The following SH3GLB1 variants were observed in gnomAD, a reference collection of about 807,000 sequenced individuals.
The protein encoded by SH3GLB1 is SH3 domain containing GRB2 like, endophilin B1, also known as endophilin-B1.
Under a neutral mutation model 42.0 loss-of-function variants are expected in SH3GLB1, and 17 were observed. The ratio of observed to expected loss-of-function variants is 0.40; its 90% CI spans 0.28 to 0.61. The LOEUF (loss-of-function observed/expected upper bound fraction) is 0.61. Ranked by LOEUF, SH3GLB1 falls within the 20% of genes least tolerant of loss-of-function variation. SH3GLB1 has a pLI of 0.36. For missense variants in SH3GLB1, 355 were observed against 426.3 expected (o/e 0.83, Z 1.47); for synonymous variants, 132 against 146.6 (o/e 0.90, Z 0.72).
intron 5 of SH3GLB1, among the ~76,000 whole-genome samples, chr1:86,724,886 A>ATATATATATATATATATAT (rs1409906302): frequency 9.8e-6 from 1 of 102,408 alleles, no homozygotes; most frequent in African/African-American, 4.9e-5. Flanking sequence ...AAAAAAAAAA[A>ATATATATATATATATATAT]AAAAAAATAT....
intron 7 of SH3GLB1, 90 bp downstream of exon 7, chr1:86,735,269 G>T: frequency 3.9e-6 from 3 of 761,876 alleles, no homozygotes; most frequent in South Asian, 3.4e-5. Flanking sequence ...GCAATTAAAG[G>T]TTCTTACTAG....
In SH3GLB1 at chr1:86,744,983, A is replaced by C. The variant is rs1324659541; in HGVS notation, c.*1748A>C. ...GAAATTTTCTCTCCCCTCAGAAAGG[A>C]AGTTCTACAGCCTAGAGTACCATCT... On this transcript the variant is annotated 3_prime_UTR_variant, in exon 9 of 9. Coordinates refer to ENST00000370558, the MANE Select transcript of SH3GLB1 (RefSeq NM_016009.5). 1 of 152,226 alleles carries C rather than the reference A, an allele frequency of 6.6e-6. No individual in the cohort carries two copies. 9.4% of individuals were successfully genotyped at this position (152,226 alleles called of 1,614,324 possible). A position where few individuals can be genotyped will look rare whatever the true frequency, so the allele number is the denominator to read the frequency against.
intron 3 of SH3GLB1, among the ~76,000 whole-genome samples, chr1:86,719,995 CA>C (rs570115346): frequency 1.7e-3 from 105 of 62,422 alleles, no homozygotes; most frequent in East Asian, 5.9e-3. Context: ...GACTCTGTCT[CA>C]AAAAAAAAAA....
intron 7 of SH3GLB1, 92 bp downstream of exon 7, chr1:86,735,271 T>A: frequency 2.7e-6 from 2 of 748,818 alleles, no homozygotes. Context: ...AATTAAAGGT[T>A]CTTACTAGCT....
At chr1:86,716,429 C>G (rs957562947) in intron 2 of SH3GLB1, among the ~76,000 whole-genome samples, 10 of 152,066 alleles carry the variant, frequency 6.6e-5, no homozygotes, top group Admixed American at 2.0e-4. Flanking sequence ...CATGTGCCAC[C>G]ACGCCCAGCT....
In SH3GLB1 at chr1:86,704,844, G is replaced by A. The variant is rs1653726431; in HGVS notation, c.-56G>A. The A allele has an allele frequency of 2.3e-6, 3 of 1,285,764 alleles. No individual in the cohort carries two copies. The highest frequency in any genetic ancestry group is 2.6e-5 in the South Asian group (2 of 75,702). The allele number at this position is 1,285,764 out of a possible 1,614,324, so 79.6% of individuals were successfully genotyped here. A position where few individuals can be genotyped will look rare whatever the true frequency, so the allele number is the denominator to read the frequency against. On this transcript the variant is annotated 5_prime_UTR_variant, in exon 1 of 9. Transcript: ENST00000370558. ...TAGCCCTGCGCCCCAGCCCGGCCGCGGCACCTCCGCCTCGCCGCCGCTAGG... is the reference window on the plus strand; with the variant it reads ...TAGCCCTGCGCCCCAGCCCGGCCGCAGCACCTCCGCCTCGCCGCCGCTAGG...
intron 1 of SH3GLB1, among the ~76,000 whole-genome samples, chr1:86,713,746 C>G (rs1028564968): frequency 1.3e-5 from 2 of 152,158 alleles, no homozygotes; most frequent in Non-Finnish European, 2.9e-5. Context: ...TCTTCCTCTC[C>G]CTGAAGAATG....
At chr1:86,725,505 A>G (rs1230086479) in intron 5 of SH3GLB1, among the ~76,000 whole-genome samples, 8 of 152,198 alleles carry the variant, frequency 5.3e-5, no homozygotes, top group Admixed American at 6.5e-5. Context: ...TTGAATTGGA[A>G]TAACTTTAAA....
At chr1:86,730,148 A>G (rs754865007) in intron 5 of SH3GLB1, 2 of 1,571,028 alleles carry the variant, frequency 1.3e-6, no homozygotes, top group Non-Finnish European at 1.7e-6. Flanking sequence ...ATGAAACAAG[A>G]ATTTAGTTGA....
At position 86,704,724 on chromosome 1, in the gene SH3GLB1, GC is replaced by G; in HGVS notation, c.-172del. On this transcript the variant is annotated 5_prime_UTR_variant, in exon 1 of 9. Coordinates refer to ENST00000370558, the MANE Select transcript of SH3GLB1 (RefSeq NM_016009.5). ...CGCCGCGCGCTTGTTCTCCTCCCTC[GC>G]CCCGCCTTCATCCTCCCCGTTCACG... is the stretch of plus-strand genomic sequence containing the variant. 1 of 471,482 alleles carries G rather than the reference GC, an allele frequency of 2.1e-6. No homozygotes were observed. The highest frequency in any genetic ancestry group is 3.8e-6 in the Non-Finnish European group (1 of 266,634). 29.2% of individuals were successfully genotyped at this position (471,482 alleles called of 1,614,324 possible).
At chr1:86,735,590 A>G (rs1036038092) in intron 7 of SH3GLB1, among the ~76,000 whole-genome samples, 1 of 152,232 alleles carries the variant, frequency 6.6e-6, no homozygotes, top group South Asian at 2.1e-4. Flanking sequence ...GTAAGACCTC[A>G]TATCTACCGA....
chr1:86,738,253 TTTG>T (rs1312139918), intron 7 of SH3GLB1, among the ~76,000 whole-genome samples: 1 of 103,008 alleles, frequency 9.7e-6, no homozygotes, highest in African/African-American at 6.2e-5. Context: ...TTTTTGTTTG[TTTG>T]TTTTGTTTTG....
intron 7 of SH3GLB1, among the ~76,000 whole-genome samples, chr1:86,740,993 TATG>T (rs1328099734): frequency 2.0e-5 from 3 of 152,052 alleles, no homozygotes; most frequent in African/African-American, 7.2e-5. Context: ...TAAAATGTAA[TATG>T]ATAAAATATG....
Position 86,733,440 on chromosome 1 carries a change from G to GT in SH3GLB1, c.571-1154dup, listed in dbSNP as rs1456730531. On this transcript the variant is annotated intron_variant, in intron 5 of 8. Transcript: ENST00000370558. ...CCTTGTTGGGTTTTTTTTGTTTTTC[G>GT]TTTTTTTTACTTTTATTACATCTTG... Among the ~76,000 whole-genome samples, 12 of 151,506 alleles carry GT rather than the reference G, an allele frequency of 7.9e-5. 1 individual carries two copies. In the South Asian group the frequency reaches 8.3e-4, roughly 11 times the overall value.
chr1:86,719,420 A>G (rs535508869), intron 2 of SH3GLB1, 87 bp from the exon 3 acceptor site: 1 of 1,202,346 alleles, frequency 8.3e-7, no homozygotes, highest in Non-Finnish European at 1.1e-6. Context: ...TTAGGAGATG[A>G]TAAATGGCTG....
chr1:86,740,339 A>G (rs1373441870), intron 7 of SH3GLB1, among the ~76,000 whole-genome samples: 1 of 152,224 alleles, frequency 6.6e-6, no homozygotes, highest in Non-Finnish European at 1.5e-5. Flanking sequence ...TATCATTGCC[A>G]GGTGGCATGT....
In SH3GLB1 at chr1:86,742,200, T is replaced by C; in HGVS notation, c.762-8T>C. On this transcript the variant is annotated splice_polypyrimidine_tract_variant and splice_region_variant and intron_variant, in intron 7 of 8. Transcript: ENST00000370558. ...GAAATAAATAATTCGCTGCTTTCTT[T>C]TCAACAGTTTTCCATCCAATTATCT... The C allele has an allele frequency of 6.2e-7, 1 of 1,609,064 alleles. No individual in the cohort carries two copies.
At position 86,719,756 on chromosome 1, in the gene SH3GLB1, G is replaced by C; in HGVS notation, c.343+121G>C. 6 of 913,188 alleles carry C rather than the reference G, an allele frequency of 6.6e-6. No individual in the cohort carries two copies. The South Asian group carries it at 1.3e-4, about 20-fold the overall frequency. 56.6% of individuals were successfully genotyped at this position (913,188 alleles called of 1,614,324 possible). On this transcript the variant is annotated intron_variant, in intron 3 of 8. Transcript: ENST00000370558. ...CACACCTGTAATCCCAGCACTTTGG[G>C]TGGTTGAGGTGGGCGGATCATGAGG... is the stretch of plus-strand genomic sequence containing the variant.
rs1341635425 is a variant in SH3GLB1 at position 86,734,454 on chromosome 1, G to A, written c.571-148G>A. ...AAAAGCTAAGGTCTAGAAACCAGGGGACCATTTTAGATACAAAGCAGAATT... is the reference window on the plus strand; with the variant it reads ...AAAAGCTAAGGTCTAGAAACCAGGGAACCATTTTAGATACAAAGCAGAATT... On this transcript the variant is annotated intron_variant, in intron 5 of 8. Transcript: ENST00000370558. 5.0e-6 allele frequency: 3 copies of A among 604,292 alleles called. No homozygotes were observed. In the Admixed American group the frequency reaches 8.7e-5, roughly 18 times the overall value. 37.4% of individuals were successfully genotyped at this position (604,292 alleles called of 1,614,324 possible). A position where few individuals can be genotyped will look rare whatever the true frequency, so the allele number is the denominator to read the frequency against.
Sources: allele counts gnomAD v4.1 joint callset (sites outside exome capture counted in the v4.1 genomes callset), GRCh38; gene constraint gnomAD v4.1.1; transcripts MANE v1.5; gene names NCBI Gene and HGNC (gene_info 2026-07-23, HGNC 2026-07-21).